Variants in AMH observed in about 807,000 individuals in gnomAD.
The protein encoded by AMH is anti-Mullerian hormone, also known as anti-Muellerian hormone.
A neutral mutation model predicts 33.3 loss-of-function variants in AMH; 39 were observed. The ratio of observed to expected loss-of-function variants is 1.17; its 90% CI spans 0.91 to 1.53. AMH has a LOEUF of 1.53. Among genes scored for constraint, AMH ranks in the 40% most tolerant of loss-of-function variants. The pLI is 0.00. For synonymous variants in AMH, 536 were observed against 403.0 expected (o/e 1.33, Z -3.95); for missense variants, 1,019 against 799.8 (o/e 1.27, Z -3.30).
At chr19:2,249,931 C>A in intron 1 of AMH, 187 bp downstream of exon 1, 1 of 731,160 alleles carries the variant, frequency 1.4e-6, no homozygotes, top group African/African-American at 1.8e-5. Context: ...GTCCCCGAAG[C>A]CCAGCTCTTA....
chr19:2,251,348 G>T lies in AMH; in HGVS notation c.1074G>T (p.Gly358=). 1 of 1,492,568 alleles carries T rather than the reference G, an allele frequency of 6.7e-7. No homozygotes were observed. The highest frequency in any genetic ancestry group is 2.3e-4 in the Middle Eastern group (1 of 4,296). The allele number at this position is 1,492,568 out of a possible 1,614,324, so 92.5% of individuals were successfully genotyped here. Reference sequence around the variant, plus strand: ...TGAGGCCCACTGCGGCCACCACCGGGGATCCTGCGCCCCTGCACGACCCCA... The same window carrying T: ...TGAGGCCCACTGCGGCCACCACCGGTGATCCTGCGCCCCTGCACGACCCCA... ...LLLRPTAATT[G]DPAPLHDPTS... Residue 358 remains glycine, a synonymous_variant, in exon 5 of 5, where the codon GGG becomes GGT. Coordinates refer to ENST00000221496, the MANE Select transcript of AMH (RefSeq NM_000479.5).
chr19:2,252,010 C>T lies in AMH; in HGVS notation c.*53C>T, dbSNP rs2025058533. 2 of 1,526,470 alleles carry T rather than the reference C, an allele frequency of 1.3e-6. No homozygotes were observed. The highest frequency in any genetic ancestry group is 4.0e-5 in the Admixed American group (2 of 50,552). The allele number at this position is 1,526,470 out of a possible 1,614,324, so 94.6% of individuals were successfully genotyped here. A position where few individuals can be genotyped will look rare whatever the true frequency, so the allele number is the denominator to read the frequency against. On this transcript the variant is annotated 3_prime_UTR_variant, in exon 5 of 5. Coordinates refer to ENST00000221496, the MANE Select transcript of AMH (RefSeq NM_000479.5). ...GAGGGTCCGGACGCGCCCCAGCTCG[C>T]GCCCCTTCCCATATTTATTCGGACC...
At chr19:2,250,571 A>G (rs2025015869) in intron 2 of AMH, 81 bp from the exon 3 acceptor site, 3 of 1,537,798 alleles carry the variant, frequency 2.0e-6, no homozygotes, top group Admixed American at 2.0e-5. Flanking sequence ...GCGTAGAACC[A>G]GTGGCGATGG....
At chr19:2,250,071 A>G (rs1337548340) in intron 1 of AMH, 5 of 633,782 alleles carry the variant, frequency 7.9e-6, no homozygotes, top group East Asian at 5.5e-5. Context: ...CCGCTGGCCT[A>G]AGATACTCCC....
In AMH at chr19:2,250,457, G is replaced by T; in HGVS notation, c.533G>T (p.Arg178Met). The T allele has an allele frequency of 6.4e-7, 1 of 1,550,860 alleles. No individual in the cohort carries two copies. Among genetic ancestry groups the T allele is most frequent in the Non-Finnish European group, 8.7e-7 (1 of 1,148,326 alleles). The stretch of plus-strand genomic sequence containing the variant: ...CCTGGCCCTGAGGTCACTGTGACGA[G>T]GGCTGGGCTGCCGGGTGCCCAGGTA... ...PGPGPEVTVT[R>M]AGLPGAQSLC... The change falls in exon 2 of 5, where the codon AGG (arginine) becomes ATG (methionine). Residue 178 changes from arginine (R) to methionine (M), a missense_variant. Coordinates refer to ENST00000221496, the MANE Select transcript of AMH (RefSeq NM_000479.5).
Position 2,251,344 on chromosome 19 carries a change from C to A in AMH, c.1070C>A (p.Thr357Asn). The A allele has an allele frequency of 6.7e-7, 1 of 1,493,116 alleles. No homozygotes were observed. Among genetic ancestry groups the A allele is most frequent in the Non-Finnish European group, 8.9e-7 (1 of 1,128,758 alleles). 92.5% of individuals were successfully genotyped at this position (1,493,116 alleles called of 1,614,324 possible). ...LLLLRPTAATTGDPAPLHDPT... is the reference protein window; with the variant it reads ...LLLLRPTAATNGDPAPLHDPT... ...CTGCTGAGGCCCACTGCGGCCACCA[C>A]CGGGGATCCTGCGCCCCTGCACGAC... The change falls in exon 5 of 5, where the codon ACC becomes AAC. Residue 357 changes from threonine to asparagine, a missense_variant. By Grantham distance (65) the Thr-to-Asn change is moderately conservative. Coordinates refer to ENST00000221496, the MANE Select transcript of AMH (RefSeq NM_000479.5).
At position 2,251,519 on chromosome 19, in the gene AMH, CG is replaced by C; in HGVS notation, c.1247del (p.Gly416AlafsTer13). 7.5e-7 allele frequency: 1 copy of C among 1,339,434 alleles called. No individual in the cohort carries two copies. Among genetic ancestry groups the C allele is most frequent in the Non-Finnish European group, 9.5e-7 (1 of 1,047,934 alleles). The allele number at this position is 1,339,434 out of a possible 1,614,324, so 83.0% of individuals were successfully genotyped here. ...TGCTCGCGCTCTGCCCAGGTGGCCC[CG>C]GCGGCCTCGGCGATCCCCTGCGAGC... The part of the protein sequence containing the change: ...RLLALCPGGP[G>X]GLGDPLRALL... On this transcript the variant is annotated frameshift_variant, in exon 5 of 5. Coordinates refer to ENST00000221496, the MANE Select transcript of AMH (RefSeq NM_000479.5). LOFTEE classifies it high-confidence loss of function.
intron 1 of AMH, chr19:2,250,069 C>G (rs1404423863): frequency 7.9e-6 from 5 of 633,204 alleles, no homozygotes; most frequent in East Asian, 2.8e-5. Context: ...GGCCGCTGGC[C>G]TAAGATACTC....
chr19:2,251,606 CG>C lies in AMH; in HGVS notation c.1335del (p.Pro446ArgfsTer24). On this transcript the variant is annotated frameshift_variant, in exon 5 of 5. Coordinates refer to ENST00000221496, the MANE Select transcript of AMH (RefSeq NM_000479.5). LOFTEE classifies it high-confidence loss of function. ...TGGAGTGGCGCGGGCGGGATCCGCG[CG>C]GGCCGGGTCGGGCACAGCGCAGCGC... ...RVEWRGRDPR[G>X]PGRAQRSAGA... 7.6e-7 allele frequency: 1 copy of C among 1,307,858 alleles called. No individual in the cohort carries two copies. The highest frequency in any genetic ancestry group is 9.7e-7 in the Non-Finnish European group (1 of 1,032,782). 81.0% of individuals were successfully genotyped at this position (1,307,858 alleles called of 1,614,324 possible).
Position 2,250,239 on chromosome 19 carries a change from C to T in AMH, c.413-98C>T, listed in dbSNP as rs1193853281. 3.3e-6 allele frequency: 5 copies of T among 1,524,004 alleles called. No individual in the cohort carries two copies. The South Asian group carries it at 4.8e-5, about 15-fold the overall frequency. The allele number at this position is 1,524,004 out of a possible 1,614,324, so 94.4% of individuals were successfully genotyped here. A position where few individuals can be genotyped will look rare whatever the true frequency, so the allele number is the denominator to read the frequency against. On this transcript the variant is annotated intron_variant, in intron 1 of 4. Transcript: ENST00000221496. ...GGCACCCTTGTCCCCCGCTTGAGGT[C>T]CCCTGCACAGTGGCCAGAGCGGCAG... is the stretch of plus-strand genomic sequence containing the variant.
At position 2,251,595 on chromosome 19, in the gene AMH, C is replaced by A; in HGVS notation, c.1321C>A (p.Arg441=). The change falls in exon 5 of 5, where the codon CGG becomes AGG. Residue 441 remains arginine (R), a synonymous_variant. Coordinates refer to ENST00000221496, the MANE Select transcript of AMH (RefSeq NM_000479.5). ...GGGCCTGCGCGTGGAGTGGCGCGGG[C>A]GGGATCCGCGCGGGCCGGGTCGGGC... The part of the protein sequence containing the change: ...LQGLRVEWRG[R]DPRGPGRAQR... 1.6e-6 allele frequency: 2 copies of A among 1,289,684 alleles called. No individual in the cohort carries two copies. Among genetic ancestry groups the A allele is most frequent in the Non-Finnish European group, 2.0e-6 (2 of 1,023,112 alleles). 79.9% of individuals were successfully genotyped at this position (1,289,684 alleles called of 1,614,324 possible). A position where few individuals can be genotyped will look rare whatever the true frequency, so the allele number is the denominator to read the frequency against.
intron 1 of AMH, 92 bp downstream of exon 1, chr19:2,249,836 C>G (rs2024998092): frequency 2.2e-6 from 3 of 1,350,402 alleles, no homozygotes; most frequent in Non-Finnish European, 2.9e-6. Flanking sequence ...GCAGAGCCCC[C>G]ACCCTGGGCA....
chr19:2,251,997 G>A lies in AMH; in HGVS notation c.*40G>A. On this transcript the variant is annotated 3_prime_UTR_variant, in exon 5 of 5. Transcript: ENST00000221496. ...GGACTCCTGCCCCGAGGGTCCGGAC[G>A]CGCCCCAGCTCGCGCCCCTTCCCAT... 2 of 1,530,144 alleles carry A rather than the reference G, an allele frequency of 1.3e-6. No individual in the cohort carries two copies. Among genetic ancestry groups the A allele is most frequent in the Non-Finnish European group, 1.7e-6 (2 of 1,144,130 alleles). 94.8% of individuals were successfully genotyped at this position (1,530,144 alleles called of 1,614,324 possible).
At position 2,249,626 on chromosome 19, in the gene AMH, C is replaced by T; in HGVS notation, c.294C>T (p.Ala98=). Residue 98 remains alanine (A), a synonymous_variant, in exon 1 of 5, where the codon GCC becomes GCT. Coordinates refer to ENST00000221496, the MANE Select transcript of AMH (RefSeq NM_000479.5). ...QRARWGPRDL[A]TFGVCNTGDR... ...CCCGCTGGGGCCCCCGAGACCTGGC[C>T]ACCTTCGGGGTCTGCAACACCGGTG... is the stretch of plus-strand genomic sequence containing the variant. The T allele has an allele frequency of 6.5e-7, 1 of 1,537,682 alleles. No individual in the cohort carries two copies. Among genetic ancestry groups the T allele is most frequent in the Non-Finnish European group, 8.7e-7 (1 of 1,143,912 alleles).
chr19:2,250,291 G>T (rs1472798817), intron 1 of AMH, 46 bp from the exon 2 acceptor site: 43 of 1,563,114 alleles, frequency 2.8e-5, no homozygotes, highest in Non-Finnish European at 3.4e-5. Context: ...TTCCCGGGGG[G>T]TGTGGCCTTC....
At position 2,251,743 on chromosome 19, in the gene AMH, G is replaced by C; in HGVS notation, c.1469G>C (p.Gly490Ala). 1 of 1,611,682 alleles carries C rather than the reference G, an allele frequency of 6.2e-7. No homozygotes were observed. Among genetic ancestry groups the C allele is most frequent in the Non-Finnish European group, 8.5e-7 (1 of 1,179,596 alleles). The stretch of plus-strand genomic sequence containing the variant: ...ACCTACCAGGCCAACAATTGCCAGG[G>C]CGTGTGCGGCTGGCCTCAGTCCGAC... ...PETYQANNCQ[G>A]VCGWPQSDRN... The change falls in exon 5 of 5, where the codon GGC becomes GCC. Residue 490 changes from glycine (G) to alanine (A), a missense_variant. Coordinates refer to ENST00000221496, the MANE Select transcript of AMH (RefSeq NM_000479.5).
rs768759070 is a variant in AMH, at chr19:2,251,728, CCAA to C, written c.1458_1460del (p.Asn487del). The C allele has an allele frequency of 6.2e-7, 1 of 1,611,854 alleles. No homozygotes were observed. Among genetic ancestry groups the C allele is most frequent in the Non-Finnish European group, 8.5e-7 (1 of 1,179,616 alleles). On this transcript the variant is annotated inframe_deletion, in exon 5 of 5. Transcript: ENST00000221496. ...GTACTCATCCCCGAGACCTACCAGG[CCAA>C]CAATTGCCAGGGCGTGTGCGGCTGG...
In AMH at chr19:2,251,748, T is replaced by A; in HGVS notation, c.1474T>A (p.Cys492Ser). Reference sequence around the variant, plus strand: ...CCAGGCCAACAATTGCCAGGGCGTGTGCGGCTGGCCTCAGTCCGACCGCAA... The same window carrying A: ...CCAGGCCAACAATTGCCAGGGCGTGAGCGGCTGGCCTCAGTCCGACCGCAA... ...TYQANNCQGV[C>S]GWPQSDRNPR... Residue 492 changes from cysteine (C) to serine (S), a missense_variant, in exon 5 of 5, where the codon TGC becomes AGC. By Grantham distance (112) the Cys-to-Ser change is moderately radical (BLOSUM62 -1). Transcript: ENST00000221496. 6.2e-7 allele frequency: 1 copy of A among 1,611,592 alleles called. No individual in the cohort carries two copies. The highest frequency in any genetic ancestry group is 8.5e-7 in the Non-Finnish European group (1 of 1,179,578).
chr19:2,249,409 G>A lies in AMH; in HGVS notation c.77G>A (p.Arg26Lys), dbSNP rs764149385. 6 of 1,595,560 alleles carry A rather than the reference G, an allele frequency of 3.8e-6. No homozygotes were observed. In the Admixed American group the frequency reaches 6.9e-5, roughly 18 times the overall value. The change falls in exon 1 of 5, where the codon AGA becomes AAA. Residue 26 changes from arginine (R) to lysine (K), a missense_variant. By Grantham distance (26) the Arg-to-Lys change is conservative. Coordinates refer to ENST00000221496, the MANE Select transcript of AMH (RefSeq NM_000479.5). ...LGALLGTEALRAEEPAVGTSG... is the reference protein window; with the variant it reads ...LGALLGTEALKAEEPAVGTSG... Reference sequence around the variant, plus strand: ...GCTCTGCTGGGGACTGAGGCCCTCAGAGCAGAGGAGCCAGCTGTGGGCACC... The same window carrying A: ...GCTCTGCTGGGGACTGAGGCCCTCAAAGCAGAGGAGCCAGCTGTGGGCACC...
Sources: gnomAD v4.1 joint callset for allele counts on GRCh38, gnomAD v4.1.1 for gene constraint, MANE v1.5 for transcripts, NCBI Gene and HGNC (gene_info 2026-07-23, HGNC 2026-07-21) for gene names.